Variants in SLC35F3 observed in about 807,000 individuals in gnomAD.
SLC35F3 encodes the protein solute carrier family 35 member F3.
In SLC35F3, 25 loss-of-function variants were observed where a neutral mutation model predicts 49.9. The ratio of observed to expected loss-of-function variants is 0.50; its 90% CI spans 0.37 to 0.70. SLC35F3 has a LOEUF of 0.70. SLC35F3 is among the 30% of genes least tolerant of loss of function. The probability of loss-of-function intolerance (pLI) is 0.00; values close to 1 mark genes in which losing one functional copy is unlikely to be tolerated. For synonymous variants in SLC35F3, 275 were observed against 265.4 expected (o/e 1.04, Z -0.35); for missense variants, 525 against 639.8 (o/e 0.82, Z 1.94).
chr1:234,039,760 A>G (rs1398677516), intron 2 of SLC35F3, among the ~76,000 whole-genome samples: 5 of 152,226 alleles, frequency 3.3e-5, no homozygotes, highest in African/African-American at 9.6e-5. Context: ...GAGGGACTAC[A>G]GGAACCAGCC....
intron 2 of SLC35F3, among the ~76,000 whole-genome samples, chr1:233,908,018 G>A (rs755453694): frequency 1.3e-5 from 2 of 152,142 alleles, no homozygotes; most frequent in African/African-American, 2.4e-5. Flanking sequence ...GAGCCACCAC[G>A]CCCGGCCCAG....
At chr1:234,029,922 CT>C (rs1320483003) in intron 2 of SLC35F3, among the ~76,000 whole-genome samples, 3 of 152,148 alleles carry the variant, frequency 2.0e-5, no homozygotes, top group African/African-American at 7.2e-5. Flanking sequence ...AGAATTTCTT[CT>C]TGTATCTCTT....
intron 7 of SLC35F3, among the ~76,000 whole-genome samples, chr1:234,322,438 C>T (rs551902024): frequency 1.1e-4 from 16 of 152,134 alleles, no homozygotes; most frequent in African/African-American, 3.6e-4. Flanking sequence ...TTAAGAAAAT[C>T]GTAAGAAAGA....
intron 2 of SLC35F3, among the ~76,000 whole-genome samples, chr1:233,962,145 T>C (rs1232897509): frequency 1.3e-5 from 2 of 152,214 alleles, no homozygotes; most frequent in Non-Finnish European, 2.9e-5. Context: ...CAAAAACTAT[T>C]GGTAACATTT....
intron 2 of SLC35F3, among the ~76,000 whole-genome samples, chr1:234,229,461 A>AT (rs1667334886): frequency 6.6e-6 from 1 of 152,152 alleles, no homozygotes; most frequent in African/African-American, 2.4e-5. Context: ...TGATTTGATG[A>AT]TTTTCTCCTT....
At chr1:234,070,758 T>G (rs1328246874) in intron 2 of SLC35F3, among the ~76,000 whole-genome samples, 1 of 152,214 alleles carries the variant, frequency 6.6e-6, no homozygotes, top group Admixed American at 6.5e-5. Context: ...TCCTGCAGTT[T>G]TTTTTTGTAA....
rs869152169 is a variant in SLC35F3 at position 234,184,138 on chromosome 1, T to TA, written c.284-47267dup. Among the ~76,000 whole-genome samples the TA allele has an allele frequency of 9.3e-3, 1,377 of 148,066 alleles. 18 individuals are homozygous for TA. The highest frequency in any genetic ancestry group is 0.03 in the African/African-American group (1,172 of 39,158). On this transcript the variant is annotated intron_variant, in intron 2 of 7. Transcript: ENST00000366618. ...TTACTAGCATGGAACACAGTTTTTT[T>TA]AAAAAAAAAAAACAAAAAACCTAAA...
At chr1:234,198,632 G>A (rs991577859) in intron 2 of SLC35F3, among the ~76,000 whole-genome samples, 3 of 151,602 alleles carry the variant, frequency 2.0e-5, no homozygotes, top group African/African-American at 7.3e-5. Context: ...AATTAGTTTT[G>A]TTCATCAACA....
intron 2 of SLC35F3, among the ~76,000 whole-genome samples, chr1:234,101,518 T>A (rs1665212912): frequency 6.6e-6 from 1 of 152,258 alleles, no homozygotes; most frequent in South Asian, 2.1e-4. Context: ...ACATGTTTTC[T>A]TCTTAGTATA....
chr1:234,197,315 G>A (rs773257203), intron 2 of SLC35F3, among the ~76,000 whole-genome samples: 4 of 152,160 alleles, frequency 2.6e-5, no homozygotes, highest in South Asian at 4.1e-4. Context: ...GCACTTCAAG[G>A]GGGAGGGGAA....
At chr1:234,119,375 G>A (rs902771961) in intron 2 of SLC35F3, among the ~76,000 whole-genome samples, 9 of 151,208 alleles carry the variant, frequency 6.0e-5, no homozygotes, top group African/African-American at 2.2e-4. Context: ...CATCAGGGAT[G>A]AACAAACCAA....
At chr1:233,985,574 C>T (rs1663254669) in intron 2 of SLC35F3, among the ~76,000 whole-genome samples, 3 of 152,030 alleles carry the variant, frequency 2.0e-5, no homozygotes, top group Admixed American at 2.0e-4. Context: ...CCGCTTGAGA[C>T]CCACACAGTT....
intron 3 of SLC35F3, among the ~76,000 whole-genome samples, chr1:234,253,306 A>C (rs544395542): frequency 6.6e-6 from 1 of 152,220 alleles, no homozygotes; most frequent in East Asian, 1.9e-4. Flanking sequence ...AGCCTGGGCA[A>C]CAAGAGCAAA....
At chr1:233,931,341 T>C (rs1662238887) in intron 2 of SLC35F3, among the ~76,000 whole-genome samples, 1 of 152,070 alleles carries the variant, frequency 6.6e-6, no homozygotes. Context: ...ATCATCAGAG[T>C]GAACAGGCAA....
In SLC35F3 at chr1:234,082,444, GT is replaced by G. The variant is rs370718142; in HGVS notation, c.284-148967del. 3.3e-4 allele frequency among the ~76,000 whole-genome samples: 50 copies of G among 152,226 alleles called. No individual in the cohort carries two copies. In the East Asian group the frequency reaches 8.3e-3, roughly 25 times the overall value. On this transcript the variant is annotated intron_variant, in intron 2 of 7. Transcript: ENST00000366618. ...GCAGTGTGATAAAGAGTGTTTGCTT[GT>G]TTTTTGGTTTTACATTCTGCTTGTT...
intron 2 of SLC35F3, among the ~76,000 whole-genome samples, chr1:233,943,961 G>A (rs1571989914): frequency 6.6e-6 from 1 of 152,164 alleles, no homozygotes; most frequent in East Asian, 1.9e-4. Flanking sequence ...ATGGAATTAA[G>A]GCAGAAATCA....
At chr1:233,991,310 A>T (rs763348249) in intron 2 of SLC35F3, among the ~76,000 whole-genome samples, 5 of 152,108 alleles carry the variant, frequency 3.3e-5, no homozygotes, top group Admixed American at 6.5e-5. Context: ...TGTGCTGTAG[A>T]TGCTTCCCAA....
At chr1:234,219,559 A>C (rs377500133) in intron 2 of SLC35F3, among the ~76,000 whole-genome samples, 179 of 152,376 alleles carry the variant, frequency 1.2e-3, no homozygotes, top group African/African-American at 4.1e-3. Flanking sequence ...TAAAGAATGC[A>C]TGCTGAAATG....
rs898655485 is a variant in SLC35F3, at chr1:234,018,878, AT to A, written c.283+113126del. On this transcript the variant is annotated intron_variant, in intron 2 of 7. Coordinates refer to ENST00000366618, the MANE Select transcript of SLC35F3 (RefSeq NM_173508.4). The stretch of plus-strand genomic sequence containing the variant: ...ATCTATTTTCTTTCGCTCTAATATA[AT>A]TTTTTGGTTGGGTGTGCGCACTGAG... Among the ~76,000 whole-genome samples, 11 of 152,250 alleles carry A rather than the reference AT, an allele frequency of 7.2e-5. No homozygotes were observed. The East Asian group carries it at 1.5e-3, about 21-fold the overall frequency.
Sources: allele counts gnomAD v4.1 joint callset (sites outside exome capture counted in the v4.1 genomes callset), GRCh38; gene constraint gnomAD v4.1.1; transcripts MANE v1.5; gene names NCBI Gene and HGNC (gene_info 2026-07-23, HGNC 2026-07-21).